TANC2: variants seen among roughly 807,000 people sequenced by gnomAD.
TANC2 encodes tetratricopeptide repeat, ankyrin repeat and coiled-coil containing 2.
TANC2 carries 26 observed loss-of-function variants against 210.5 expected under a neutral mutation model. That is an observed-to-expected ratio of 0.12 (90% CI 0.09 to 0.17). The LOEUF is 0.17. TANC2 is among the 10% of genes least tolerant of loss of function. The pLI is 1.00. For synonymous variants in TANC2, 931 were observed against 967.1 expected, an observed-to-expected ratio of 0.96 and a Z score of 0.69; for missense variants, 2,129 against 2,608.9, an observed-to-expected ratio of 0.82 and a Z score of 4.01.
chr17:63,384,651 A>G (rs1451170398), intron 15 of TANC2, among the ~76,000 whole-genome samples: 1 of 152,152 alleles, frequency 6.6e-6, no homozygotes, highest in African/African-American at 2.4e-5. Flanking sequence ...TAGCATACAT[A>G]TGTCAACAGA....
rs548506542 is a variant in TANC2, at chr17:62,983,314, G to A, written c.-24+16565G>A. On this transcript the variant is annotated intron_variant, in intron 1 of 27. Coordinates refer to ENST00000689528, the Ensembl canonical transcript of TANC2. ...TCGTTTGAATTCGTTTATTGAATTC[G>A]TTGATCAATTTTATGAGTTTTTGGT... Among the ~76,000 whole-genome samples the A allele has an allele frequency of 2.6e-5, 4 of 151,892 alleles. No individual in the cohort carries two copies. The East Asian group carries it at 5.8e-4, about 22-fold the overall frequency.
At chr17:63,041,949 G>C (rs1314202952) in intron 2 of TANC2, among the ~76,000 whole-genome samples, 1 of 152,172 alleles carries the variant, frequency 6.6e-6, no homozygotes, top group Non-Finnish European at 1.5e-5. Context: ...CAAACAGCAG[G>C]ATGCTGCAAG....
intron 9 of TANC2, among the ~76,000 whole-genome samples, chr17:63,300,401 C>T (rs1318017992): frequency 6.6e-6 from 1 of 152,136 alleles, no homozygotes; most frequent in Non-Finnish European, 1.5e-5. Context: ...GATATTGATT[C>T]TTCCTATCCA....
At chr17:63,111,312 T>G (rs1179825443) in intron 4 of TANC2, among the ~76,000 whole-genome samples, 1 of 152,064 alleles carries the variant, frequency 6.6e-6, no homozygotes, top group Non-Finnish European at 1.5e-5. Flanking sequence ...GCCAAAAAAG[T>G]AATTAATTAA....
chr17:63,091,772 G>A (rs2037204372), intron 3 of TANC2, among the ~76,000 whole-genome samples: 1 of 152,108 alleles, frequency 6.6e-6, no homozygotes, highest in Non-Finnish European at 1.5e-5. Context: ...GCTTGATGGG[G>A]ATGGCATTGA....
In TANC2 at chr17:62,966,772, C is replaced by T. The variant is rs1189707385; in HGVS notation, c.-24+23C>T. The T allele has an allele frequency of 2.6e-5, 4 of 152,380 alleles. No individual in the cohort carries two copies. The highest frequency in any genetic ancestry group is 4.4e-5 in the Non-Finnish European group (3 of 68,274). 9.4% of individuals were successfully genotyped at this position (152,380 alleles called of 1,614,324 possible). A position where few individuals can be genotyped will look rare whatever the true frequency, so the allele number is the denominator to read the frequency against. On this transcript the variant is annotated intron_variant, in intron 1 of 27. Coordinates refer to ENST00000689528, the Ensembl canonical transcript of TANC2. The surrounding 1 kb of genome is among the most constrained non-coding windows in gnomAD (Gnocchi z 5.1). ...CAGGTAAGGGGCCCGGGGAGCAGGG[C>T]GAGGAAAGGTCGCTTCAGTGACAGG...
chr17:63,412,215 G>T lies in TANC2; in HGVS notation c.3898+85G>T. 1.9e-6 allele frequency: 3 copies of T among 1,580,650 alleles called. No homozygotes were observed. Among genetic ancestry groups the T allele is most frequent in the Non-Finnish European group, 2.6e-6 (3 of 1,157,698 alleles). On this transcript the variant is annotated intron_variant, in intron 23 of 27. Transcript: ENST00000689528. The surrounding 1 kb of genome is among the most constrained non-coding windows in gnomAD (Gnocchi z 4.2). ...TCTGGCTGCCCTGGGTATTTGGTGT[G>T]AGTGTATATAGTTCCCCCTCCTCCC... is the stretch of plus-strand genomic sequence containing the variant.
At chr17:63,245,696 G>C (rs1040288261) in intron 8 of TANC2, among the ~76,000 whole-genome samples, 2 of 152,018 alleles carry the variant, frequency 1.3e-5, no homozygotes, top group African/African-American at 4.8e-5. Flanking sequence ...CAAAAACTTA[G>C]CTGGGCGTGG....
chr17:62,989,043 C>T (rs1369511627), intron 1 of TANC2, among the ~76,000 whole-genome samples: 1 of 152,192 alleles, frequency 6.6e-6, no homozygotes, highest in Non-Finnish European at 1.5e-5. Flanking sequence ...TCTAAATAAT[C>T]CCCTCTCTCT....
At chr17:63,334,547 G>GA (rs1379670623) in intron 11 of TANC2, among the ~76,000 whole-genome samples, 1 of 152,114 alleles carries the variant, frequency 6.6e-6, no homozygotes, top group Non-Finnish European at 1.5e-5. Context: ...GAGGGGAATA[G>GA]AAAATCACTA....
At chr17:63,363,232 T>C (rs983662327) in intron 14 of TANC2, among the ~76,000 whole-genome samples, 2 of 152,222 alleles carry the variant, frequency 1.3e-5, no homozygotes, top group Non-Finnish European at 2.9e-5. Flanking sequence ...TAGAGTTGTT[T>C]GAGCTCTTTA....
chr17:63,427,631 A>G (rs543711827), exon 28 of TANC2: 1 of 152,374 alleles, frequency 6.6e-6, no homozygotes, highest in African/African-American at 2.4e-5. Context: ...ATGTATACAG[A>G]TTGTCATCTG....
At chr17:63,132,104 A>G (rs2038938610) in intron 4 of TANC2, among the ~76,000 whole-genome samples, 1 of 152,150 alleles carries the variant, frequency 6.6e-6, no homozygotes, top group Admixed American at 6.5e-5. Flanking sequence ...TCTCTTTACC[A>G]TACAGTGTTA....
chr17:63,043,702 A>G (rs1043504425), intron 2 of TANC2, among the ~76,000 whole-genome samples: 3 of 152,080 alleles, frequency 2.0e-5, no homozygotes, highest in African/African-American at 7.2e-5. Flanking sequence ...AGCAGAGAAA[A>G]CTTTTCTGCT....
intron 5 of TANC2, among the ~76,000 whole-genome samples, chr17:63,169,039 G>A (rs976729733): frequency 1.4e-4 from 22 of 152,178 alleles, no homozygotes; most frequent in Non-Finnish European, 2.9e-4. Context: ...CTTTGGAAAG[G>A]AAAGAAAGGA....
chr17:63,123,484 G>A (rs1403950729), intron 4 of TANC2, among the ~76,000 whole-genome samples: 13 of 151,304 alleles, frequency 8.6e-5, no homozygotes, highest in African/African-American at 2.9e-4. Context: ...GCTTGAACCC[G>A]GGAGGCGGAG....
At chr17:63,388,470 G>A (rs1446762503) in intron 15 of TANC2, among the ~76,000 whole-genome samples, 165 bp from the exon 16 acceptor site, 1 of 152,170 alleles carries the variant, frequency 6.6e-6, no homozygotes, top group Non-Finnish European at 1.5e-5. Flanking sequence ...GTTCCTGCAG[G>A]ACTGGTCTTT....
intron 19 of TANC2, among the ~76,000 whole-genome samples, chr17:63,401,914 A>C (rs906739624): frequency 6.6e-6 from 1 of 152,136 alleles, no homozygotes. Flanking sequence ...ATTTGCCTAG[A>C]TTATTGCAGC....
At chr17:63,086,205 C>T (rs1248301652) in intron 3 of TANC2, among the ~76,000 whole-genome samples, 3 of 151,950 alleles carry the variant, frequency 2.0e-5, no homozygotes, top group Non-Finnish European at 4.4e-5. Flanking sequence ...TTTACTGAAG[C>T]ATAGTTTGTT....
Sources: gnomAD v4.1 joint callset for allele counts (sites outside exome capture counted in the v4.1 genomes callset) on GRCh38, gnomAD v4.1.1 for gene constraint, Gnocchi (gnomAD v3.1) non-coding constraint, MANE v1.5 for transcripts, NCBI Gene and HGNC (gene_info 2026-07-23, HGNC 2026-07-21) for gene names.